MID1: variants seen among roughly 807,000 people sequenced by gnomAD.
The protein encoded by MID1 is E3 ubiquitin-protein ligase Midline-1.
Under a neutral mutation model 40.4 loss-of-function variants are expected in MID1, and 7 were observed. That is an observed-to-expected ratio of 0.17 (90% CI 0.10 to 0.33). The LOEUF (loss-of-function observed/expected upper bound fraction) is 0.33, where lower values mean the gene tolerates loss of function less well. Among genes scored for constraint, MID1 ranks in the 10% least tolerant of loss-of-function variants. The pLI is 1.00. For missense variants in MID1, 367 were observed against 558.5 expected (o/e 0.66, Z 3.46); for synonymous variants, 229 against 221.2 (o/e 1.04, Z -0.31).
intron 1 of MID1, among the ~76,000 whole-genome samples, chrX:10,583,090 C>G (rs1935055240): frequency 9.0e-6 from 1 of 111,486 alleles, no homozygotes; most frequent in South Asian, 3.7e-4. Flanking sequence ...TCTTTCATTA[C>G]TCTTTCATTC....
At chrX:10,508,482 T>C (rs1156704133) in intron 3 of MID1, among the ~76,000 whole-genome samples, 2 of 112,272 alleles carry the variant, frequency 1.8e-5, no homozygotes, top group East Asian at 5.6e-4. Flanking sequence ...TTCAATTACA[T>C]ATGTGGCTCA....
At chrX:10,692,154 C>T (rs1423831863) in intron 1 of MID1, among the ~76,000 whole-genome samples, 1 of 111,427 alleles carries the variant, frequency 9.0e-6, no homozygotes, top group African/African-American at 3.3e-5. Flanking sequence ...TCTTTTATTG[C>T]CCTTTGAAGC....
chrX:10,683,444 A>G (rs2043072495), intron 1 of MID1, among the ~76,000 whole-genome samples: 2 of 110,917 alleles, frequency 1.8e-5, no homozygotes, highest in Non-Finnish European at 3.8e-5. Flanking sequence ...CGGGAGACTG[A>G]GGTGGGAGGA....
intron 1 of MID1, among the ~76,000 whole-genome samples, chrX:10,808,519 A>G (rs1432978791): frequency 9.2e-6 from 1 of 109,016 alleles, no homozygotes; most frequent in Non-Finnish European, 1.9e-5. Flanking sequence ...GCCTCTCTCT[A>G]TGGTGCTCCT....
rs1449530133 is a variant in MID1 at position 10,449,419 on chromosome X, G to A, written c.1953C>T (p.Ile651=). 22 of 1,210,133 alleles carry A rather than the reference G, an allele frequency of 1.8e-5. No individual in the cohort carries two copies. Among genetic ancestry groups the A allele is most frequent in the Non-Finnish European group, 2.5e-5 (22 of 895,291 alleles). Residue 651 remains isoleucine (I), a synonymous_variant, in exon 10 of 10, where the codon ATC becomes ATT. Coordinates refer to ENST00000317552, the MANE Select transcript of MID1 (RefSeq NM_000381.4). The stretch of plus-strand genomic sequence containing the variant: ...AATGGTCTGGGATAGGGAGCCCAGT[G>A]ATAATCGTCAGACACTTGTTCCACA... The part of the protein sequence containing the change: ...FTVWNKCLTI[I]TGLPIPDHLD...
At chrX:10,789,786 C>A (rs1374815393) in intron 1 of MID1, among the ~76,000 whole-genome samples, 1 of 111,755 alleles carries the variant, frequency 8.9e-6, no homozygotes, top group Non-Finnish European at 1.9e-5. Context: ...TATAGGGGAA[C>A]GAGTTCATCA....
chrX:10,795,797 A>G (rs1383393539), intron 1 of MID1, among the ~76,000 whole-genome samples: 1 of 112,389 alleles, frequency 8.9e-6, no homozygotes, highest in African/African-American at 3.2e-5. Context: ...CATTGGCCTT[A>G]GAAGATTTTA....
intron 1 of MID1, among the ~76,000 whole-genome samples, chrX:10,732,778 G>A (rs1232898207): frequency 9.0e-6 from 1 of 111,374 alleles, no homozygotes; most frequent in Admixed American, 9.5e-5. Flanking sequence ...TTGGCTTAAG[G>A]ACAGATTGAG....
intron 1 of MID1, among the ~76,000 whole-genome samples, chrX:10,645,587 A>G (rs774796536): frequency 7.1e-5 from 8 of 112,319 alleles, no homozygotes; most frequent in Admixed American, 6.6e-4. Context: ...TTGATTTAAC[A>G]GTAGTGAGGG....
intron 1 of MID1, among the ~76,000 whole-genome samples, chrX:10,664,312 C>A (rs758446663): frequency 9.0e-6 from 1 of 111,411 alleles, no homozygotes; most frequent in South Asian, 3.8e-4. Context: ...CAGTCATGTA[C>A]CACCATGTCC....
At chrX:10,634,069 G>T (rs762065500) in intron 1 of MID1, among the ~76,000 whole-genome samples, 46 of 111,302 alleles carry the variant, frequency 4.1e-4, no homozygotes, top group Admixed American at 3.3e-3. Flanking sequence ...ACAATAGAAG[G>T]ATTGTGGGTT....
Position 10,482,638 on chromosome X carries a change from A to G in MID1, c.865-10T>C. ...TGCGAAGCCTCATCACCTTGAACAA[A>G]AGAGGCATGGAGAGAGATGGTTACA... is the stretch of plus-strand genomic sequence containing the variant. On this transcript the variant is annotated splice_polypyrimidine_tract_variant and intron_variant, in intron 4 of 9. Transcript: ENST00000317552. 8.3e-7 allele frequency: 1 copy of G among 1,208,412 alleles called. No homozygotes were observed. Among genetic ancestry groups the G allele is most frequent in the East Asian group, 3.0e-5 (1 of 33,847 alleles).
At chrX:10,494,492 G>T (rs1284779895) in intron 4 of MID1, among the ~76,000 whole-genome samples, 2 of 111,267 alleles carry the variant, frequency 1.8e-5, no homozygotes, top group African/African-American at 3.3e-5. Context: ...CCTTGGCCAG[G>T]CATAGTAGCT....
At chrX:10,610,396 C>T (rs772798439) in intron 1 of MID1, among the ~76,000 whole-genome samples, 109 of 111,970 alleles carry the variant, frequency 9.7e-4, no homozygotes, top group Middle Eastern at 4.7e-3. Context: ...ATTGGACACA[C>T]TCCACGTGAC....
At chrX:10,595,072 A>G (rs1290210755) in intron 1 of MID1, among the ~76,000 whole-genome samples, 1 of 111,719 alleles carries the variant, frequency 9.0e-6, no homozygotes, top group Non-Finnish European at 1.9e-5. Flanking sequence ...ATCCCTAAAT[A>G]GTGGGTATCA....
At chrX:10,477,290 G>T (rs1173391720) in intron 5 of MID1, among the ~76,000 whole-genome samples, 2 of 111,974 alleles carry the variant, frequency 1.8e-5, no homozygotes, top group African/African-American at 6.5e-5. Context: ...TGGTTCCATG[G>T]TCTACAAACA....
intron 5 of MID1, among the ~76,000 whole-genome samples, chrX:10,478,440 A>C (rs1930129735): frequency 8.9e-6 from 1 of 112,069 alleles, no homozygotes; most frequent in Non-Finnish European, 1.9e-5. Flanking sequence ...GGTAGGAATA[A>C]TTAGTCCCGT....
At chrX:10,588,975 A>G (rs963660170) in intron 1 of MID1, among the ~76,000 whole-genome samples, 3 of 111,009 alleles carry the variant, frequency 2.7e-5, no homozygotes, top group Non-Finnish European at 5.7e-5. Flanking sequence ...CTTTCTTGAA[A>G]TTTTTCAACA....
At chrX:10,589,331 TCCC>T (rs777225265) in intron 1 of MID1, among the ~76,000 whole-genome samples, 82 of 110,278 alleles carry the variant, frequency 7.4e-4, no homozygotes, top group Non-Finnish European at 1.2e-3. Context: ...GTAGGCAAGT[TCCC>T]AAGACCAGTC....
Sources: allele counts gnomAD v4.1 joint callset (sites outside exome capture counted in the v4.1 genomes callset), GRCh38; gene constraint gnomAD v4.1.1; transcripts MANE v1.5; gene names NCBI Gene and HGNC (gene_info 2026-07-23, HGNC 2026-07-21).